SPON1: variants seen among roughly 807,000 people sequenced by gnomAD.
The protein encoded by SPON1 is spondin-1.
A neutral mutation model predicts 111.7 loss-of-function variants in SPON1; 52 were observed. The observed-to-expected ratio is 0.47, with a 90% CI of 0.37 to 0.59. The LOEUF (loss-of-function observed/expected upper bound fraction) is 0.59, where lower values mean the gene tolerates loss of function less well. SPON1 is among the 20% of genes least tolerant of loss of function. The pLI is 0.00. For missense variants in SPON1, 957 were observed against 1,068.5 expected (o/e 0.90, Z 1.46); for synonymous variants, 410 against 395.8 (o/e 1.04, Z -0.43).
At chr11:13,983,308 G>A (rs555591817) in intron 2 of SPON1, among the ~76,000 whole-genome samples, 4 of 152,326 alleles carry the variant, frequency 2.6e-5, no homozygotes, top group Admixed American at 2.0e-4. Context: ...AAATGTAAAC[G>A]GAACAAGAGC....
At position 14,174,125 on chromosome 11, in the gene SPON1, T is replaced by C. The variant is rs545446079; in HGVS notation, c.825+38557T>C. Among the ~76,000 whole-genome samples, 668 of 152,340 alleles carry C rather than the reference T, an allele frequency of 4.4e-3. 4 individuals are homozygous for C. The highest frequency in any genetic ancestry group is 0.016 in the African/African-American group (650 of 41,572). The stretch of plus-strand genomic sequence containing the variant: ...CAAAATTAAGGGTGCCATTTTATAC[T>C]GGATCCTGGATCCCCAAAAGGAGGG... On this transcript the variant is annotated intron_variant, in intron 6 of 15. Transcript: ENST00000576479.
At chr11:14,201,089 C>T (rs563426756) in intron 6 of SPON1, among the ~76,000 whole-genome samples, 1 of 152,030 alleles carries the variant, frequency 6.6e-6, no homozygotes, top group East Asian at 1.9e-4. Flanking sequence ...ACCTGTAATC[C>T]CAGCACTTTG....
rs1554941368 is a variant in SPON1, at chr11:14,257,702, A to C, written c.1310-14A>C. 2.5e-6 allele frequency: 4 copies of C among 1,592,682 alleles called. No individual in the cohort carries two copies. The highest frequency in any genetic ancestry group is 3.4e-5 in the Admixed American group (2 of 58,570). On this transcript the variant is annotated splice_polypyrimidine_tract_variant and intron_variant, in intron 10 of 15. Coordinates refer to ENST00000576479, the MANE Select transcript of SPON1 (RefSeq NM_006108.4). ...ATAGGTTCCCAGGGAAAACATGTCA[A>C]ACACTCTTTCCAGATGACACCCCTG...
At chr11:14,158,739 T>A (rs1035714274) in intron 6 of SPON1, among the ~76,000 whole-genome samples, 37 of 152,220 alleles carry the variant, frequency 2.4e-4, no homozygotes, top group African/African-American at 8.4e-4. Context: ...GTTTTATTCA[T>A]TTTTTGTAGT....
At chr11:13,964,685 C>T (rs182694523) in intron 1 of SPON1, among the ~76,000 whole-genome samples, 59 of 152,318 alleles carry the variant, frequency 3.9e-4, no homozygotes, top group Admixed American at 3.9e-3. Flanking sequence ...CCCCGCCCAG[C>T]CCGGGAGGGA....
At chr11:13,978,819 G>A (rs1271118168) in intron 1 of SPON1, among the ~76,000 whole-genome samples, 1 of 152,108 alleles carries the variant, frequency 6.6e-6, no homozygotes, top group Non-Finnish European at 1.5e-5. Flanking sequence ...GGATTTTCAG[G>A]AAACTTCTAG....
At chr11:14,124,705 A>G (rs919447603) in intron 5 of SPON1, among the ~76,000 whole-genome samples, 2 of 152,246 alleles carry the variant, frequency 1.3e-5, no homozygotes, top group African/African-American at 4.8e-5. Context: ...GTGGCCATAA[A>G]CAATAGATAA....
At chr11:14,237,962 A>G (rs1387402701) in intron 6 of SPON1, among the ~76,000 whole-genome samples, 1 of 152,210 alleles carries the variant, frequency 6.6e-6, no homozygotes. Flanking sequence ...TGTGGCCTCT[A>G]GAATCAGACT....
chr11:14,133,300 C>G (rs533717720), intron 5 of SPON1, among the ~76,000 whole-genome samples: 8 of 152,220 alleles, frequency 5.3e-5, no homozygotes, highest in Non-Finnish European at 8.8e-5. Context: ...TAACAACACA[C>G]TAGGCACAGC....
chr11:14,141,906 C>T (rs1436585496), intron 6 of SPON1, among the ~76,000 whole-genome samples: 1 of 152,130 alleles, frequency 6.6e-6, no homozygotes, highest in East Asian at 1.9e-4. Flanking sequence ...CACACCCCAC[C>T]AGCTTTTATT....
chr11:14,183,517 C>G (rs1308166433), intron 6 of SPON1, among the ~76,000 whole-genome samples: 2 of 152,192 alleles, frequency 1.3e-5, no homozygotes, highest in Non-Finnish European at 2.9e-5. Context: ...GTTTTCTCCC[C>G]TATTATTCTG....
At chr11:14,205,148 T>C (rs1222426044) in intron 6 of SPON1, among the ~76,000 whole-genome samples, 2 of 152,236 alleles carry the variant, frequency 1.3e-5, no homozygotes, top group African/African-American at 4.8e-5. Flanking sequence ...GGTAAATCTG[T>C]ATTCTTGTTT....
chr11:14,126,725 C>T (rs1306432368), intron 5 of SPON1, among the ~76,000 whole-genome samples: 1 of 152,176 alleles, frequency 6.6e-6, no homozygotes, highest in African/African-American at 2.4e-5. Context: ...CCCAGTGTTT[C>T]ACCAAAGACT....
intron 6 of SPON1, among the ~76,000 whole-genome samples, chr11:14,160,684 T>TATTTATATATATTTAC (rs1564919263): frequency 1.5e-4 from 2 of 13,134 alleles, no homozygotes; most frequent in African/African-American, 1.6e-3. Flanking sequence ...TATATTTATA[T>TATTTATATATATTTAC]ATATATTTAT....
At chr11:14,028,358 T>G (rs921355187) in intron 2 of SPON1, among the ~76,000 whole-genome samples, 2 of 151,934 alleles carry the variant, frequency 1.3e-5, no homozygotes, top group African/African-American at 4.8e-5. Context: ...TGGTGGCGTG[T>G]GCCTGTGGTC....
chr11:14,100,610 TTA>T, intron 5 of SPON1, among the ~76,000 whole-genome samples: 1 of 152,302 alleles, frequency 6.6e-6, no homozygotes, highest in Non-Finnish European at 1.5e-5. Flanking sequence ...AATACACACT[TTA>T]TGTTGGTTAT....
chr11:14,067,604 G>T (rs926407204), intron 3 of SPON1, among the ~76,000 whole-genome samples: 3 of 152,170 alleles, frequency 2.0e-5, no homozygotes, highest in Admixed American at 6.5e-5. Context: ...TCCTCAGAAG[G>T]ATCTCTTTTA....
intron 5 of SPON1, among the ~76,000 whole-genome samples, chr11:14,116,868 T>C (rs1327325891): frequency 3.3e-5 from 5 of 152,208 alleles, no homozygotes; most frequent in Non-Finnish European, 7.4e-5. Context: ...TATTTAGTTT[T>C]ACTCTAAGTT....
intron 1 of SPON1, among the ~76,000 whole-genome samples, chr11:13,974,888 T>G (rs768236989): frequency 9.9e-5 from 15 of 152,142 alleles, no homozygotes; most frequent in Non-Finnish European, 1.8e-4. Flanking sequence ...ACACCCTTCC[T>G]CCCAGAATGC....
Sources: gnomAD v4.1 joint callset for allele counts (sites outside exome capture counted in the v4.1 genomes callset) on GRCh38, gnomAD v4.1.1 for gene constraint, MANE v1.5 for transcripts, NCBI Gene and HGNC (gene_info 2026-07-23, HGNC 2026-07-21) for gene names.